The following DNAJC1 variants were observed in gnomAD, a reference collection of about 807,000 sequenced individuals.
DNAJC1 encodes the protein dnaJ homolog subfamily C member 1.
Under a neutral mutation model 76.6 loss-of-function variants are expected in DNAJC1, and 58 were observed. That is an observed-to-expected ratio of 0.76 (90% confidence interval 0.61 to 0.94). The LOEUF (loss-of-function observed/expected upper bound fraction) is 0.94, where lower values mean the gene tolerates loss of function less well. Among genes scored for constraint, DNAJC1 ranks in the 40% least tolerant of loss-of-function variants. DNAJC1 has a pLI of 0.00. For missense variants in DNAJC1, 689 were observed against 677.3 expected, an observed-to-expected ratio of 1.02 and a Z score of -0.19; for synonymous variants, 258 against 267.9, an observed-to-expected ratio of 0.96 and a Z score of 0.36.
chr10:21,862,797 A>G (rs558522703), intron 8 of DNAJC1, among the ~76,000 whole-genome samples: 1 of 152,052 alleles, frequency 6.6e-6, no homozygotes, highest in African/African-American at 2.4e-5. Context: ...AAAAGAAGGA[A>G]GTTCTCAAAT....
At chr10:21,805,633 A>T (rs745765471) in intron 9 of DNAJC1, among the ~76,000 whole-genome samples, 1 of 152,176 alleles carries the variant, frequency 6.6e-6, no homozygotes, top group Non-Finnish European at 1.5e-5. Context: ...TGTTAAAAAG[A>T]TCCAGCTGAA....
At chr10:21,792,744 G>C (rs955913069) in intron 9 of DNAJC1, among the ~76,000 whole-genome samples, 4 of 143,002 alleles carry the variant, frequency 2.8e-5, no homozygotes, top group Non-Finnish European at 6.0e-5. Context: ...GGGTGACAGA[G>C]TGAGACAACA....
chr10:21,902,547 C>T (rs553886690), intron 7 of DNAJC1, among the ~76,000 whole-genome samples: 1 of 152,220 alleles, frequency 6.6e-6, no homozygotes, highest in Admixed American at 6.5e-5. Flanking sequence ...TCTGGTGATC[C>T]GCCTGTCTTG....
chr10:21,882,308 T>C lies in DNAJC1; in HGVS notation c.952A>G (p.Asn318Asp). 1 of 1,598,468 alleles carries C rather than the reference T, an allele frequency of 6.3e-7. No individual in the cohort carries two copies. The highest frequency in any genetic ancestry group is 8.5e-7 in the Non-Finnish European group (1 of 1,176,206). The change falls in exon 8 of 12, where the codon AAC becomes GAC. Residue 318 changes from asparagine (N) to aspartate (D), a missense_variant. Coordinates refer to ENST00000376980, the MANE Select transcript of DNAJC1 (RefSeq NM_022365.4). ...TGTTTTTTCTGTGTTCGGTTCCTGT[T>C]TTCCAACCAATCATCCATTTGTTCC... ...IEEQMDDWLE[N>D]RNRTQKKQAP...
intron 6 of DNAJC1, among the ~76,000 whole-genome samples, chr10:21,908,135 TAAAA>T (rs1238859728): frequency 1.9e-5 from 2 of 106,942 alleles, no homozygotes; most frequent in African/African-American, 7.6e-5. Flanking sequence ...ATATAATATA[TAAAA>T]ATATATAATA....
chr10:21,951,285 A>G (rs1171072812), intron 1 of DNAJC1, among the ~76,000 whole-genome samples: 1 of 151,724 alleles, frequency 6.6e-6, no homozygotes, highest in Non-Finnish European at 1.5e-5. Context: ...ATGCCACTGC[A>G]CTCCAGCCTG....
At chr10:21,768,700 T>C (rs1211127997) in intron 9 of DNAJC1, among the ~76,000 whole-genome samples, 1 of 152,236 alleles carries the variant, frequency 6.6e-6, no homozygotes, top group African/African-American at 2.4e-5. Flanking sequence ...CCTTGCTTCC[T>C]ATTTAATGTA....
chr10:21,811,488 A>G (rs1834965072), intron 8 of DNAJC1, among the ~76,000 whole-genome samples: 1 of 152,254 alleles, frequency 6.6e-6, no homozygotes, highest in African/African-American at 2.4e-5. Context: ...CAGAGGATTT[A>G]GCAGTCTCCT....
chr10:21,908,609 T>C (rs184323153), intron 6 of DNAJC1, among the ~76,000 whole-genome samples: 41 of 151,940 alleles, frequency 2.7e-4, no homozygotes, highest in African/African-American at 9.4e-4. Flanking sequence ...AAAGTTAGAT[T>C]TCCTGGGGAT....
intron 8 of DNAJC1, among the ~76,000 whole-genome samples, chr10:21,848,501 T>C (rs1835696328): frequency 6.6e-6 from 1 of 152,148 alleles, no homozygotes; most frequent in Non-Finnish European, 1.5e-5. Context: ...GTCTTACCCC[T>C]AAAAAAATCT....
chr10:21,973,334 C>T (rs1838010153), intron 1 of DNAJC1, among the ~76,000 whole-genome samples: 1 of 152,034 alleles, frequency 6.6e-6, no homozygotes, highest in Non-Finnish European at 1.5e-5. Context: ...TGAAAATGGC[C>T]GTCTATGAAG....
chr10:21,843,552 C>G (rs1320599369), intron 8 of DNAJC1, among the ~76,000 whole-genome samples: 1 of 151,834 alleles, frequency 6.6e-6, no homozygotes. Context: ...TGCCACCATG[C>G]CCAGCTAATT....
At chr10:21,913,524 G>A (rs1836901962) in intron 6 of DNAJC1, among the ~76,000 whole-genome samples, 1 of 152,110 alleles carries the variant, frequency 6.6e-6, no homozygotes, top group Non-Finnish European at 1.5e-5. Flanking sequence ...AATAAACTAA[G>A]TTATAACAGC....
chr10:21,934,647 G>C (rs1837283177), intron 1 of DNAJC1, among the ~76,000 whole-genome samples: 1 of 152,130 alleles, frequency 6.6e-6, no homozygotes, highest in African/African-American at 2.4e-5. Flanking sequence ...TGCCTACAGT[G>C]TTCAGTACAG....
chr10:21,834,288 G>C lies in DNAJC1; in HGVS notation c.979-28189C>G, dbSNP rs576102911. 2.6e-5 allele frequency among the ~76,000 whole-genome samples: 4 copies of C among 152,194 alleles called. No individual in the cohort carries two copies. The East Asian group carries it at 7.8e-4, about 29-fold the overall frequency. On this transcript the variant is annotated intron_variant, in intron 8 of 11. Coordinates refer to ENST00000376980, the MANE Select transcript of DNAJC1 (RefSeq NM_022365.4). Reference sequence around the variant, plus strand: ...CAAAAAAAAATAAGAAAGAAAGAAAGAGGGGCTCCCCAGTGAAACGTTGTT... The same window carrying C: ...CAAAAAAAAATAAGAAAGAAAGAAACAGGGGCTCCCCAGTGAAACGTTGTT...
At chr10:21,791,458 A>C (rs1834685950) in intron 9 of DNAJC1, among the ~76,000 whole-genome samples, 1 of 151,424 alleles carries the variant, frequency 6.6e-6, no homozygotes, top group African/African-American at 2.4e-5. Flanking sequence ...TCATCAGCTC[A>C]TGGAACATTC....
chr10:21,836,794 T>G, intron 8 of DNAJC1, among the ~76,000 whole-genome samples: 1 of 152,152 alleles, frequency 6.6e-6, no homozygotes, highest in Non-Finnish European at 1.5e-5. Context: ...TAAATATATA[T>G]GCACCCGATA....
intron 7 of DNAJC1, among the ~76,000 whole-genome samples, chr10:21,889,511 GTTAT>G (rs962450942): frequency 3.9e-5 from 6 of 152,052 alleles, no homozygotes; most frequent in African/African-American, 1.5e-4. Flanking sequence ...GAGTAAACAA[GTTAT>G]TTGTTTACTC....
chr10:21,766,115 T>C, intron 10 of DNAJC1, 146 bp downstream of exon 10: 2 of 686,070 alleles, frequency 2.9e-6, no homozygotes, highest in Non-Finnish European at 5.1e-6. Context: ...GGTGCCCGTA[T>C]TTCAACCCTT....
Sources: allele counts gnomAD v4.1 joint callset (sites outside exome capture counted in the v4.1 genomes callset), GRCh38; gene constraint gnomAD v4.1.1; transcripts MANE v1.5; gene names NCBI Gene and HGNC (gene_info 2026-07-23, HGNC 2026-07-21).